The following SSH2 variants were observed in gnomAD, a reference collection of about 807,000 sequenced individuals.
SSH2 encodes the protein protein phosphatase Slingshot homolog 2.
Under a neutral mutation model 135.2 loss-of-function variants are expected in SSH2, and 37 were observed. The ratio of observed to expected loss-of-function variants is 0.27; its 90% CI spans 0.21 to 0.36. The LOEUF is 0.36. SSH2 is among the 10% of genes least tolerant of loss of function. The probability of loss-of-function intolerance (pLI) is 1.00; values close to 1 mark genes in which losing one functional copy is unlikely to be tolerated. For synonymous variants in SSH2, 628 were observed against 646.2 expected (o/e 0.97, Z 0.43); for missense variants, 1,408 against 1,765.3 (o/e 0.80, Z 3.63).
chr17:29,758,104 A>G (rs1221660829), intron 3 of SSH2, among the ~76,000 whole-genome samples: 1 of 152,200 alleles, frequency 6.6e-6, no homozygotes, highest in Non-Finnish European at 1.5e-5. Flanking sequence ...AATAGAGACA[A>G]AAATAAAAGA....
chr17:29,778,691 A>C (rs527855274), intron 3 of SSH2, among the ~76,000 whole-genome samples: 8 of 150,788 alleles, frequency 5.3e-5, no homozygotes, highest in African/African-American at 1.9e-4. Flanking sequence ...TAAAGTAGCC[A>C]GGTGTGGTGG....
At chr17:29,847,365 G>A (rs1426497412) in intron 2 of SSH2, among the ~76,000 whole-genome samples, 1 of 152,210 alleles carries the variant, frequency 6.6e-6, no homozygotes, top group Non-Finnish European at 1.5e-5. Flanking sequence ...GGGCTGAAAG[G>A]TGAAGCAGAG....
Position 29,694,408 on chromosome 17 carries a change from C to T in SSH2, c.357+1051G>A, listed in dbSNP as rs1236477255. Among the ~76,000 whole-genome samples, 5 of 152,288 alleles carry T rather than the reference C, an allele frequency of 3.3e-5. No homozygotes were observed. In the East Asian group the frequency reaches 9.6e-4, roughly 29 times the overall value. Reference sequence around the variant, plus strand: ...AATAGGGGCTGGGCACTGTGGCTCACGCCTGTAATCCCAGCACTTTGGGAG... The same window carrying T: ...AATAGGGGCTGGGCACTGTGGCTCATGCCTGTAATCCCAGCACTTTGGGAG... On this transcript the variant is annotated intron_variant, in intron 5 of 15. Coordinates refer to ENST00000540801, the MANE Select transcript of SSH2 (RefSeq NM_001282129.2).
chr17:29,838,989 G>T, intron 2 of SSH2: 1 of 152,870 alleles, frequency 6.5e-6, no homozygotes, highest in South Asian at 2.0e-4. Context: ...GCCCTTTGGG[G>T]AACCCAGACC....
chr17:29,755,271 TTC>T (rs1391781161), intron 3 of SSH2, among the ~76,000 whole-genome samples: 4 of 152,212 alleles, frequency 2.6e-5, no homozygotes, highest in African/African-American at 9.7e-5. Context: ...GACCAAATGA[TTC>T]TCTGAGTTGC....
intron 3 of SSH2, among the ~76,000 whole-genome samples, chr17:29,779,490 A>G (rs2041788502): frequency 1.3e-5 from 2 of 152,162 alleles, no homozygotes; most frequent in Admixed American, 1.3e-4. Context: ...TGTACAGGAA[A>G]GTGTAACCCA....
chr17:29,703,917 T>C (rs1481475642), intron 3 of SSH2, among the ~76,000 whole-genome samples: 1 of 152,152 alleles, frequency 6.6e-6, no homozygotes. Context: ...ATGGCAGCAG[T>C]TAAGAGCGCA....
intron 3 of SSH2, among the ~76,000 whole-genome samples, chr17:29,792,814 C>CT (rs1306376284): frequency 6.6e-6 from 1 of 152,136 alleles, no homozygotes; most frequent in African/African-American, 2.4e-5. Flanking sequence ...GTAGCTGGGA[C>CT]TACAGGCACC....
At chr17:29,896,694 A>C (rs2066451349) in intron 1 of SSH2, among the ~76,000 whole-genome samples, 1 of 151,498 alleles carries the variant, frequency 6.6e-6, no homozygotes, top group East Asian at 1.9e-4. Context: ...CTATCCTTTA[A>C]ATTTTCTATG....
At chr17:29,766,706 T>C (rs1348749588) in intron 3 of SSH2, among the ~76,000 whole-genome samples, 2 of 152,164 alleles carry the variant, frequency 1.3e-5, no homozygotes, top group African/African-American at 2.4e-5. Context: ...AAAATGATTA[T>C]ACCACAGGAC....
chr17:29,638,058 G>A (rs1426157875), intron 14 of SSH2, among the ~76,000 whole-genome samples: 1 of 151,708 alleles, frequency 6.6e-6, no homozygotes, highest in Non-Finnish European at 1.5e-5. Flanking sequence ...AGGTTGCAGT[G>A]GGCCGAGATT....
At chr17:29,864,928 C>T (rs543960040) in intron 1 of SSH2, among the ~76,000 whole-genome samples, 50 of 152,166 alleles carry the variant, frequency 3.3e-4, no homozygotes, top group Middle Eastern at 6.8e-3. Flanking sequence ...TTTCACAAGC[C>T]CTCCAGGTAA....
chr17:29,751,696 T>A (rs1717069820), intron 3 of SSH2, among the ~76,000 whole-genome samples: 1 of 152,186 alleles, frequency 6.6e-6, no homozygotes, highest in Admixed American at 6.5e-5. Context: ...CACTTCTGTA[T>A]CTGTGGTCTG....
intron 3 of SSH2, among the ~76,000 whole-genome samples, chr17:29,770,465 T>C (rs1465352589): frequency 6.6e-6 from 1 of 151,496 alleles, no homozygotes; most frequent in Non-Finnish European, 1.5e-5. Flanking sequence ...TCTTTTTTTA[T>C]AATTAAGTCA....
rs1282473919 is a variant in SSH2, at chr17:29,659,736, G to A, written c.1033-4129C>T. Reference sequence around the variant, plus strand: ...GTAGAGACGGGGTTTCACCGTGTTAGCCAGGATGGTCTAGATCTCCTGACC... The same window carrying A: ...GTAGAGACGGGGTTTCACCGTGTTAACCAGGATGGTCTAGATCTCCTGACC... On this transcript the variant is annotated intron_variant, in intron 11 of 15. Coordinates refer to ENST00000540801, the MANE Select transcript of SSH2 (RefSeq NM_001282129.2). 1.3e-5 allele frequency among the ~76,000 whole-genome samples: 2 copies of A among 152,202 alleles called. 1 individual carries two copies. Among genetic ancestry groups the A allele is most frequent in the African/African-American group, 4.8e-5 (2 of 41,440 alleles).
intron 3 of SSH2, among the ~76,000 whole-genome samples, chr17:29,749,505 C>T (rs932700078): frequency 6.6e-6 from 1 of 152,094 alleles, no homozygotes; most frequent in East Asian, 1.9e-4. Context: ...AACATATCTA[C>T]GCATAGAAAA....
Position 29,684,676 on chromosome 17 carries a change from T to C in SSH2, c.366A>G (p.Arg122=). ...TTCGATTCTGGTAAGTACTTTCCAG[T>C]CTTACAGCCTGGAATTTAGCAGACA... ...RPEDNIRLAV[R]LESTYQNRTR... is the part of the protein sequence containing the mutation. The change falls in exon 6 of 16, where the codon AGA becomes AGG. Residue 122 remains arginine, a synonymous_variant. Transcript: ENST00000540801. 6.2e-7 allele frequency: 1 copy of C among 1,609,044 alleles called. No individual in the cohort carries two copies. The highest frequency in any genetic ancestry group is 8.5e-7 in the Non-Finnish European group (1 of 1,177,896).
At chr17:29,827,236 G>C in intron 2 of SSH2, among the ~76,000 whole-genome samples, 1 of 152,186 alleles carries the variant, frequency 6.6e-6, no homozygotes, top group African/African-American at 2.4e-5. Flanking sequence ...AGAATGAACT[G>C]CTAACAAATT....
chr17:29,699,997 G>T (rs1279606174), intron 4 of SSH2, among the ~76,000 whole-genome samples: 1 of 152,142 alleles, frequency 6.6e-6, no homozygotes, highest in African/African-American at 2.4e-5. Flanking sequence ...AAACAAAATG[G>T]ATTATGATTC....
Sources: gnomAD v4.1 joint callset for allele counts (sites outside exome capture counted in the v4.1 genomes callset) on GRCh38, gnomAD v4.1.1 for gene constraint, MANE v1.5 for transcripts, NCBI Gene and HGNC (gene_info 2026-07-23, HGNC 2026-07-21) for gene names.